KCNMA1: variants seen among roughly 807,000 people sequenced by gnomAD.
KCNMA1 encodes potassium calcium-activated channel subfamily M alpha 1.
A neutral mutation model predicts 140.0 loss-of-function variants in KCNMA1; 29 were observed. The ratio of observed to expected loss-of-function variants is 0.21; its 90% CI spans 0.15 to 0.28. KCNMA1 has a LOEUF of 0.28. KCNMA1 is among the 10% of genes least tolerant of loss of function. The probability of loss-of-function intolerance (pLI) is 1.00; values close to 1 mark genes in which losing one functional copy is unlikely to be tolerated. For missense variants in KCNMA1, 880 were observed against 1,602.2 expected, an observed-to-expected ratio of 0.55 and a Z score of 7.70; for synonymous variants, 612 against 611.9, an observed-to-expected ratio of 1.00 and a Z score of 0.00.
Position 77,403,943 on chromosome 10 carries a change from G to A in KCNMA1, c.459C>T (p.Ala153=), listed in dbSNP as rs779927857. The stretch of plus-strand genomic sequence containing the variant: ...CGGAGGTCATCCAGCCGACCTCGGC[G>A]GCCACTGCCTCCTCTTTTTCATCCA... ...KPVDEKEEAV[A]AEVGWMTSVK... is the part of the protein sequence containing the mutation. Residue 153 remains alanine, a synonymous_variant, in exon 2 of 28, where the codon GCC becomes GCT. Transcript: ENST00000286628. 26 of 1,614,012 alleles carry A rather than the reference G, an allele frequency of 1.6e-5. No homozygotes were observed. Among genetic ancestry groups the A allele is most frequent in the African/African-American group, 4.0e-5 (3 of 74,914 alleles).
At chr10:77,391,110 C>T (rs1470714414) in intron 2 of KCNMA1, among the ~76,000 whole-genome samples, 3 of 152,180 alleles carry the variant, frequency 2.0e-5, no homozygotes, top group East Asian at 1.9e-4. Flanking sequence ...CGATCCTTTG[C>T]GTTAACCTGC....
Position 77,242,899 on chromosome 10 carries a change from TACACACACACAC to T in KCNMA1, c.602+8284_602+8295del, listed in dbSNP as rs199668848. Among the ~76,000 whole-genome samples the T allele has an allele frequency of 1.2e-3, 139 of 111,662 alleles. 1 individual carries two copies. The highest frequency in any genetic ancestry group is 2.4e-3 in the African/African-American group (69 of 29,116). The allele number at this position is 111,662 out of a possible 152,430, so 73.3% of individuals were successfully genotyped here. The stretch of plus-strand genomic sequence containing the variant: ...TTTTAGGCAGGACATAATTGTTTCC[TACACACACACAC>T]ACACACACACACACACACACACACA... On this transcript the variant is annotated intron_variant, in intron 3 of 27. Transcript: ENST00000286628.
At chr10:77,390,772 C>A (rs950047863) in intron 2 of KCNMA1, among the ~76,000 whole-genome samples, 8 of 152,216 alleles carry the variant, frequency 5.3e-5, no homozygotes, top group Non-Finnish European at 1.2e-4. Flanking sequence ...GGCTCAGAGA[C>A]CAACAAACCC....
At chr10:76,934,573 T>C (rs2060053021) in intron 23 of KCNMA1, among the ~76,000 whole-genome samples, 1 of 152,242 alleles carries the variant, frequency 6.6e-6, no homozygotes, top group African/African-American at 2.4e-5. Context: ...TTATTTTATG[T>C]TTCTGTCCCT....
At chr10:77,491,684 C>T (rs1257614349) in intron 1 of KCNMA1, among the ~76,000 whole-genome samples, 3 of 150,750 alleles carry the variant, frequency 2.0e-5, no homozygotes, top group Non-Finnish European at 2.9e-5. Context: ...CTGTGGGCCT[C>T]ACCCTGGGGG....
rs184943266 is a variant in KCNMA1, at chr10:77,137,908, A to G, written c.809-16860T>C. On this transcript the variant is annotated intron_variant, in intron 5 of 27. Coordinates refer to ENST00000286628, the MANE Select transcript of KCNMA1 (RefSeq NM_001161352.2). ...GTGATCCTCCCGCCTCAGCCCCCCA[A>G]GTAGCCAGCCACCATGCCCAGCTAA... is the stretch of plus-strand genomic sequence containing the variant. Among the ~76,000 whole-genome samples, 615 of 152,230 alleles carry G rather than the reference A, an allele frequency of 4.0e-3. 6 individuals carry two copies. The highest frequency in any genetic ancestry group is 0.014 in the African/African-American group (599 of 41,532).
intron 13 of KCNMA1, among the ~76,000 whole-genome samples, chr10:77,078,308 A>G (rs1324441896): frequency 1.3e-5 from 2 of 152,106 alleles, no homozygotes; most frequent in Non-Finnish European, 2.9e-5. Flanking sequence ...TACTGCATCA[A>G]ATGGAGAAAG....
At chr10:76,965,502 G>A (rs981823865) in intron 20 of KCNMA1, among the ~76,000 whole-genome samples, 5 of 152,066 alleles carry the variant, frequency 3.3e-5, no homozygotes, top group South Asian at 2.1e-4. Flanking sequence ...TTAGGTTACC[G>A]CCTCCTCGAA....
At chr10:76,946,201 G>C (rs1165153498) in intron 22 of KCNMA1, among the ~76,000 whole-genome samples, 1 of 152,164 alleles carries the variant, frequency 6.6e-6, no homozygotes, top group African/African-American at 2.4e-5. Context: ...TGTGTCTTCA[G>C]GTGAAGCCAC....
At chr10:77,461,171 C>T (rs574744475) in intron 1 of KCNMA1, among the ~76,000 whole-genome samples, 3 of 151,750 alleles carry the variant, frequency 2.0e-5, no homozygotes, top group African/African-American at 7.3e-5. Flanking sequence ...GCACTAAAAG[C>T]CCAGACTTTA....
intron 23 of KCNMA1, among the ~76,000 whole-genome samples, chr10:76,933,636 T>C (rs1339512012): frequency 6.6e-6 from 1 of 152,122 alleles, no homozygotes; most frequent in Non-Finnish European, 1.5e-5. Flanking sequence ...TTCTGGTCCC[T>C]TTACTCTGGA....
chr10:77,125,040 A>T (rs1174712957), intron 5 of KCNMA1, among the ~76,000 whole-genome samples: 1 of 152,102 alleles, frequency 6.6e-6, no homozygotes, highest in Non-Finnish European at 1.5e-5. Flanking sequence ...ATTTCGTGAG[A>T]ACTCACTATC....
chr10:77,591,305 C>T (rs1042473667), intron 1 of KCNMA1, among the ~76,000 whole-genome samples: 7 of 152,184 alleles, frequency 4.6e-5, no homozygotes, highest in East Asian at 1.9e-4. Flanking sequence ...TGGCAGCAAG[C>T]CAGCTGTGTA....
chr10:76,925,798 T>C (rs1463274519), intron 23 of KCNMA1, among the ~76,000 whole-genome samples: 2 of 152,106 alleles, frequency 1.3e-5, no homozygotes, highest in African/African-American at 4.8e-5. Flanking sequence ...AACTCCAAAA[T>C]CACGAGCAAA....
At chr10:77,487,670 T>C (rs1304622170) in intron 1 of KCNMA1, among the ~76,000 whole-genome samples, 2 of 152,186 alleles carry the variant, frequency 1.3e-5, no homozygotes, top group Non-Finnish European at 2.9e-5. Flanking sequence ...ATCCCCAAAA[T>C]TTCGTGCATG....
rs2059440817 is a variant in KCNMA1 at position 77,538,464 on chromosome 10, A to C, written c.378+98801T>G. 2.0e-5 allele frequency among the ~76,000 whole-genome samples: 3 copies of C among 152,070 alleles called. 1 individual carries two copies. Among genetic ancestry groups the C allele is most frequent in the Admixed American group, 1.3e-4 (2 of 15,272 alleles). ...GGTCTCTTCCAACTCTAGAGCTTTC[A>C]TTGCCATCATTACCCCCAGCTGGAC... On this transcript the variant is annotated intron_variant, in intron 1 of 27. Transcript: ENST00000286628.
At chr10:77,161,178 G>T (rs2098550326) in intron 5 of KCNMA1, among the ~76,000 whole-genome samples, 1 of 152,130 alleles carries the variant, frequency 6.6e-6, no homozygotes, top group Non-Finnish European at 1.5e-5. Context: ...ACTGACACTT[G>T]TACTCATTCA....
rs527378935 is a variant in KCNMA1 at position 77,442,156 on chromosome 10, C to T, written c.379-38133G>A. The stretch of plus-strand genomic sequence containing the variant: ...TGGGGCCAAGACCTCACTCTAGCCA[C>T]CCACAGCTTTTCCTACCTTACCACT... On this transcript the variant is annotated intron_variant, in intron 1 of 27. Coordinates refer to ENST00000286628, the MANE Select transcript of KCNMA1 (RefSeq NM_001161352.2). 9.8e-5 allele frequency among the ~76,000 whole-genome samples: 15 copies of T among 152,324 alleles called. No homozygotes were observed. The East Asian group carries it at 2.3e-3, about 24-fold the overall frequency.
chr10:77,497,214 T>C (rs1603629791), intron 1 of KCNMA1, among the ~76,000 whole-genome samples: 1 of 152,246 alleles, frequency 6.6e-6, no homozygotes, highest in Admixed American at 6.5e-5. Flanking sequence ...TATTATCAAC[T>C]GTCTTTTATG....
Sources: gnomAD v4.1 joint callset for allele counts (sites outside exome capture counted in the v4.1 genomes callset) on GRCh38, gnomAD v4.1.1 for gene constraint, MANE v1.5 for transcripts, NCBI Gene and HGNC (gene_info 2026-07-23, HGNC 2026-07-21) for gene names.